Variants in OR10J1 observed in about 807,000 individuals in gnomAD.
The protein encoded by OR10J1 is olfactory receptor family 10 subfamily J member 1.
For missense variants in OR10J1, 474 were observed against 376.6 expected (o/e 1.26, Z -2.14); for synonymous variants, 202 against 143.8 (o/e 1.40, Z -2.89).
the OR10J1 span, among the ~76,000 whole-genome samples, chr1:159,410,626 T>G: frequency 1.3e-5 from 2 of 151,734 alleles, no homozygotes; most frequent in Non-Finnish European, 2.9e-5. Flanking sequence ...TCTATCAATT[T>G]TGTTGATCCT....
the OR10J1 span, among the ~76,000 whole-genome samples, chr1:159,408,884 T>C: frequency 6.6e-6 from 1 of 152,080 alleles, no homozygotes; most frequent in Non-Finnish European, 1.5e-5. Flanking sequence ...AGAGTGGTTC[T>C]GAATGGATCT....
At chr1:159,431,491 C>T in the OR10J1 span, among the ~76,000 whole-genome samples, 36 of 152,178 alleles carry the variant, frequency 2.4e-4, no homozygotes, top group Non-Finnish European at 4.7e-4. Context: ...TTTGCACTGG[C>T]CTTTGACGAG....
the OR10J1 span, among the ~76,000 whole-genome samples, chr1:159,414,563 T>C: frequency 6.6e-6 from 1 of 152,160 alleles, no homozygotes; most frequent in African/African-American, 2.4e-5. Context: ...AAAGTGTAGA[T>C]ATCTCTTCAA....
chr1:159,426,440 G>T, the OR10J1 span, among the ~76,000 whole-genome samples: 8 of 151,902 alleles, frequency 5.3e-5, no homozygotes, highest in South Asian at 6.2e-4. Flanking sequence ...AACAACTAAG[G>T]AACTTATGAT....
the OR10J1 span, among the ~76,000 whole-genome samples, chr1:159,430,705 A>G: frequency 6.8e-6 from 1 of 146,832 alleles, no homozygotes; most frequent in African/African-American, 2.5e-5. Flanking sequence ...AAGCATACAA[A>G]TGGAACCCAG....
the OR10J1 span, chr1:159,405,407 G>C: frequency 6.2e-6 from 1 of 160,236 alleles, no homozygotes; most frequent in Non-Finnish European, 1.4e-5. Context: ...GTAAGCACAT[G>C]AAGGGAGGCC....
At chr1:159,423,033 G>T in the OR10J1 span, among the ~76,000 whole-genome samples, 4 of 152,102 alleles carry the variant, frequency 2.6e-5, no homozygotes, top group Non-Finnish European at 2.9e-5. Flanking sequence ...CGTGGAAGAG[G>T]TGAATACCAG....
the OR10J1 span, among the ~76,000 whole-genome samples, chr1:159,404,834 C>T: frequency 2.0e-5 from 3 of 152,120 alleles, no homozygotes; most frequent in African/African-American, 7.2e-5. Flanking sequence ...GGGATGATAA[C>T]ATAATTGTTT....
chr1:159,417,045 T>C, the OR10J1 span, among the ~76,000 whole-genome samples: 4 of 152,122 alleles, frequency 2.6e-5, no homozygotes, highest in African/African-American at 9.6e-5. Flanking sequence ...CATTGATTTT[T>C]TGTTTTTTAG....
the OR10J1 span, among the ~76,000 whole-genome samples, chr1:159,420,221 TAAG>T: frequency 1.3e-5 from 2 of 152,174 alleles, no homozygotes; most frequent in South Asian, 4.1e-4. Context: ...TCTTTCCTGG[TAAG>T]ATAATTTTCA....
At chr1:159,398,426 A>T in the OR10J1 span, among the ~76,000 whole-genome samples, 8 of 152,232 alleles carry the variant, frequency 5.3e-5, no homozygotes, top group African/African-American at 1.9e-4. Context: ...CTAGGGACCA[A>T]TCCTGAAAAA....
the OR10J1 span, among the ~76,000 whole-genome samples, chr1:159,409,428 G>T: frequency 1.3e-5 from 2 of 149,682 alleles, no homozygotes; most frequent in Non-Finnish European, 2.9e-5. Context: ...TTTTTAATTA[G>T]TAAGTCAGAA....
the OR10J1 span, among the ~76,000 whole-genome samples, chr1:159,428,602 C>T: frequency 6.6e-5 from 10 of 152,064 alleles, no homozygotes; most frequent in South Asian, 6.2e-4. Context: ...TTAGCTGCTC[C>T]CTAAAGGATT....
At chr1:159,407,603 G>C in the OR10J1 span, among the ~76,000 whole-genome samples, 2 of 152,020 alleles carry the variant, frequency 1.3e-5, no homozygotes, top group Non-Finnish European at 2.9e-5. Flanking sequence ...TAAAGACAAA[G>C]GACAGTAATT....
chr1:159,422,468 A>G, the OR10J1 span, among the ~76,000 whole-genome samples: 20 of 152,186 alleles, frequency 1.3e-4, no homozygotes, highest in Admixed American at 1.2e-3. Flanking sequence ...GGGGCACTTA[A>G]AAGTGTGCAG....
chr1:159,407,347 C>T, the OR10J1 span, among the ~76,000 whole-genome samples: 35 of 152,114 alleles, frequency 2.3e-4, no homozygotes, highest in Admixed American at 6.6e-5. Context: ...AGTTATTTAA[C>T]TTGTCTGTGT....
chr1:159,401,446 AG>A, the OR10J1 span, among the ~76,000 whole-genome samples: 1 of 152,064 alleles, frequency 6.6e-6, no homozygotes, highest in African/African-American at 2.4e-5. Context: ...AGAAATTCAA[AG>A]GATGATTAGT....
the OR10J1 span, among the ~76,000 whole-genome samples, chr1:159,408,998 T>C: frequency 6.6e-6 from 1 of 152,154 alleles, no homozygotes; most frequent in Middle Eastern, 3.4e-3. Context: ...AAAAGCACCA[T>C]GGTGTGTGGG....
At position 159,440,855 on chromosome 1, in the gene OR10J1, C is replaced by T; in HGVS notation, c.*134C>T. On this transcript the variant is annotated 3_prime_UTR_variant, in exon 1 of 1. Transcript: ENST00000423932. ...GCAAAAGAGGAATAGCAGTTTCATA[C>T]AACTGGGAGTCTGAAGCTTTAAATA... The T allele has an allele frequency of 2.2e-6, 2 of 897,942 alleles. No individual in the cohort carries two copies. Among genetic ancestry groups the T allele is most frequent in the Non-Finnish European group, 3.3e-6 (2 of 602,490 alleles). The allele number at this position is 897,942 out of a possible 1,614,324, so 55.6% of individuals were successfully genotyped here.
Sources: gnomAD v4.1 joint callset for allele counts (sites outside exome capture counted in the v4.1 genomes callset) on GRCh38, gnomAD v4.1.1 for gene constraint, MANE v1.5 for transcripts, NCBI Gene and HGNC (gene_info 2026-07-23, HGNC 2026-07-21) for gene names.